SRGAP3: variants seen among roughly 807,000 people sequenced by gnomAD.
SRGAP3 encodes SLIT-ROBO Rho GTPase activating protein 3.
In SRGAP3, 39 loss-of-function variants were observed where a neutral mutation model predicts 121.1. The observed-to-expected ratio is 0.32, with a 90% confidence interval of 0.25 to 0.42. SRGAP3 has a LOEUF of 0.42. Among genes scored for constraint, SRGAP3 ranks in the 10% least tolerant of loss-of-function variants. The pLI, the probability that SRGAP3 is intolerant of heterozygous loss-of-function variation, is 1.00. For missense variants in SRGAP3, 1,213 were observed against 1,470.6 expected, an observed-to-expected ratio of 0.82 and a Z score of 2.86; for synonymous variants, 601 against 570.0, an observed-to-expected ratio of 1.05 and a Z score of -0.77.
intron 1 of SRGAP3, among the ~76,000 whole-genome samples, chr3:9,164,189 G>T (rs890892035): frequency 6.6e-6 from 1 of 151,166 alleles, no homozygotes; most frequent in Non-Finnish European, 1.5e-5. Flanking sequence ...TATAGACGGG[G>T]TTTCTCCATG....
At position 9,218,063 on chromosome 3, in the gene SRGAP3, C is replaced by A. The variant is rs1952692018; in HGVS notation, c.67+30822G>T. The A allele has an allele frequency of 1.4e-5, 2 of 146,036 alleles. No individual in the cohort carries two copies. Among genetic ancestry groups the A allele is most frequent in the South Asian group, 4.5e-4 (2 of 4,410 alleles). 9.0% of individuals were successfully genotyped at this position (146,036 alleles called of 1,614,324 possible). ...ATTATTAGTCCTGCTAGCCTCCGAA[C>A]CATTGAGAGTACTTCTGAAAGACAG... On this transcript the variant is annotated intron_variant, in intron 1 of 21. Transcript: ENST00000383836. This position sits in a 1 kb window ranked among gnomAD's most constrained non-coding sequence, Gnocchi z 5.3.
At chr3:9,220,634 A>T (rs1339465252) in intron 1 of SRGAP3, among the ~76,000 whole-genome samples, 1 of 152,220 alleles carries the variant, frequency 6.6e-6, no homozygotes, top group African/African-American at 2.4e-5. Flanking sequence ...AGGGACACAG[A>T]TGGGATCCTT....
chr3:9,264,212 A>G (rs2125257440), intron 3 of SRGAP3, among the ~76,000 whole-genome samples: 1 of 152,304 alleles, frequency 6.6e-6, no homozygotes, highest in South Asian at 2.1e-4. Flanking sequence ...GTATTGATGG[A>G]CCATATCTCA....
intron 3 of SRGAP3, among the ~76,000 whole-genome samples, chr3:9,090,175 G>A (rs947866217): frequency 6.6e-6 from 1 of 152,126 alleles, no homozygotes; most frequent in African/African-American, 2.4e-5. Context: ...GCTCCACCAA[G>A]CATCAGCTTT....
intron 14 of SRGAP3, among the ~76,000 whole-genome samples, chr3:9,021,215 C>CCA (rs897897277): frequency 6.6e-6 from 1 of 152,208 alleles, no homozygotes; most frequent in Non-Finnish European, 1.5e-5. Context: ...GGCTTTAGCC[C>CCA]CACATCCAAA....
intron 1 of SRGAP3, chr3:9,349,327 G>A: frequency 5.0e-6 from 2 of 402,018 alleles, no homozygotes; most frequent in East Asian, 5.9e-5. Flanking sequence ...GGCACCAGTG[G>A]CTCCCATTTT....
intron 1 of SRGAP3, among the ~76,000 whole-genome samples, chr3:9,344,716 C>T (rs1208669432): frequency 6.6e-6 from 1 of 152,046 alleles, no homozygotes; most frequent in Admixed American, 6.6e-5. Context: ...AACCAACCCC[C>T]TACTACCTTT....
intron 17 of SRGAP3, 44 bp downstream of exon 17, chr3:9,013,255 CAATGGCAAT>C: frequency 6.5e-7 from 1 of 1,547,714 alleles, no homozygotes; most frequent in Non-Finnish European, 8.9e-7. Flanking sequence ...TGTTCCTATT[CAATGGCAAT>C]AACAATGACG....
chr3:8,985,642 G>C lies in SRGAP3; in HGVS notation c.3177C>G (p.Pro1059=), dbSNP rs571850803. 6.3e-7 allele frequency: 1 copy of C among 1,595,006 alleles called. No individual in the cohort carries two copies. The highest frequency in any genetic ancestry group is 8.5e-7 in the Non-Finnish European group (1 of 1,177,642). The change falls in exon 22 of 22, where the codon CCC becomes CCG. Residue 1059 remains proline (P), a synonymous_variant. Transcript: ENST00000383836. This position sits in a 1 kb window ranked among gnomAD's most constrained non-coding sequence, Gnocchi z 5.1. ...GAQLRPPPMR[P]VRPVVQHRSS... ...ACCGGTGCTGGACCACCGGCCGCACGGGCCGCATGGGGGGCGGGCGGAGCT... is the reference window on the plus strand; with the variant it reads ...ACCGGTGCTGGACCACCGGCCGCACCGGCCGCATGGGGGGCGGGCGGAGCT...
intron 3 of SRGAP3, among the ~76,000 whole-genome samples, chr3:9,269,498 C>T (rs1217587695): frequency 6.6e-6 from 1 of 152,182 alleles, no homozygotes; most frequent in African/African-American, 2.4e-5. Flanking sequence ...ATTTGGGAAC[C>T]ACAAGTGCCA....
intron 10 of SRGAP3, among the ~76,000 whole-genome samples, chr3:9,042,669 C>T (rs1013019638): frequency 6.6e-6 from 1 of 152,172 alleles, no homozygotes; most frequent in Admixed American, 6.5e-5. Flanking sequence ...TTTGATTTGA[C>T]TGTGTGTCTG....
At chr3:9,275,502 T>G (rs1184412338) in intron 3 of SRGAP3, among the ~76,000 whole-genome samples, 1 of 152,106 alleles carries the variant, frequency 6.6e-6, no homozygotes, top group East Asian at 1.9e-4. Flanking sequence ...CCCACCCAAA[T>G]CTCACCTTGA....
Position 9,311,003 on chromosome 3 carries a change from C to G in SRGAP3, n.442+15007G>C, listed in dbSNP as rs1574993529. Among the ~76,000 whole-genome samples, 3 of 152,098 alleles carry G rather than the reference C, an allele frequency of 2.0e-5. No homozygotes were observed. The South Asian group carries it at 6.2e-4, about 32-fold the overall frequency. On this transcript the variant is annotated intron_variant and non_coding_transcript_variant, in intron 3 of 3. Transcript: ENST00000490889. ...TGGCCAACATAGTGAAACCCCATCT[C>G]TACTAAAAATACAAAAATTAGCTGG... is the stretch of plus-strand genomic sequence containing the variant.
chr3:9,005,522 C>G (rs537369742), intron 18 of SRGAP3, among the ~76,000 whole-genome samples: 5 of 152,238 alleles, frequency 3.3e-5, no homozygotes, highest in African/African-American at 9.6e-5. Context: ...TAGAAACAAC[C>G]CAAATGTCCA....
chr3:9,061,482 G>A (rs1946169427), intron 5 of SRGAP3, among the ~76,000 whole-genome samples: 2 of 152,102 alleles, frequency 1.3e-5, no homozygotes, highest in Admixed American at 6.5e-5. Flanking sequence ...ATTGGCTTTC[G>A]ATGACAAGCT....
intron 1 of SRGAP3, among the ~76,000 whole-genome samples, chr3:9,157,910 A>C (rs1349255932): frequency 6.6e-6 from 1 of 152,234 alleles, no homozygotes; most frequent in Non-Finnish European, 1.5e-5. Flanking sequence ...AAGATTCTTC[A>C]AGGGGAGACT....
intron 3 of SRGAP3, among the ~76,000 whole-genome samples, chr3:9,088,379 C>G (rs1187770810): frequency 6.6e-6 from 1 of 152,174 alleles, no homozygotes. Context: ...ATGAGGCTGA[C>G]CAATCTCAAG....
intron 1 of SRGAP3, among the ~76,000 whole-genome samples, chr3:9,237,207 G>A (rs559040611): frequency 6.6e-5 from 10 of 152,146 alleles, no homozygotes; most frequent in Non-Finnish European, 2.9e-5. Context: ...TCATTCATTC[G>A]TTCAACAAAA....
intron 4 of SRGAP3, among the ~76,000 whole-genome samples, chr3:9,077,586 C>T (rs1947031282): frequency 6.6e-6 from 1 of 152,106 alleles, no homozygotes; most frequent in Admixed American, 6.5e-5. Context: ...TGACCCTCAC[C>T]AGGCTGCTGT....
Sources: gnomAD v4.1 joint callset for allele counts (sites outside exome capture counted in the v4.1 genomes callset) on GRCh38, gnomAD v4.1.1 for gene constraint, Gnocchi (gnomAD v3.1) non-coding constraint, MANE v1.5 for transcripts, NCBI Gene and HGNC (gene_info 2026-07-23, HGNC 2026-07-21) for gene names.